Variants in ECT2L observed in about 807,000 individuals in gnomAD.
ECT2L encodes epithelial cell transforming 2 like.
ECT2L carries 126 observed loss-of-function variants against 122.8 expected under a neutral mutation model. The ratio of observed to expected loss-of-function variants is 1.03; its 90% CI spans 0.89 to 1.19. ECT2L has a LOEUF of 1.19. Ranked by LOEUF, ECT2L falls within the 50% of genes most tolerant of loss-of-function variation. ECT2L has a pLI of 0.00. For missense variants in ECT2L, 1,012 were observed against 1,064.1 expected (o/e 0.95, Z 0.68); for synonymous variants, 385 against 381.8 (o/e 1.01, Z -0.10).
At chr6:138,884,379 T>C (rs1159163864) in intron 16 of ECT2L, among the ~76,000 whole-genome samples, 1 of 152,116 alleles carries the variant, frequency 6.6e-6, no homozygotes, top group African/African-American at 2.4e-5. Context: ...GGCTCACACC[T>C]GTAATCCCAG....
At chr6:138,827,668 T>A (rs1776498302) in intron 4 of ECT2L, among the ~76,000 whole-genome samples, 1 of 152,268 alleles carries the variant, frequency 6.6e-6, no homozygotes, top group Admixed American at 6.5e-5. Context: ...GCAGTCCTCC[T>A]GCCTCTGAGC....
At chr6:138,868,077 C>G in intron 12 of ECT2L, 26 bp from the exon 13 acceptor site, 1 of 1,389,108 alleles carries the variant, frequency 7.2e-7, no homozygotes, top group Non-Finnish European at 9.8e-7. Context: ...AAATCAATTA[C>G]AGGGCATGTG....
intron 10 of ECT2L, 30 bp from the exon 11 acceptor site, chr6:138,862,597 A>G (rs1469742918): frequency 6.3e-7 from 1 of 1,594,260 alleles, no homozygotes; most frequent in Non-Finnish European, 8.6e-7. Flanking sequence ...ATATATGAGG[A>G]AACTAACGAA....
intron 4 of ECT2L, among the ~76,000 whole-genome samples, chr6:138,821,275 A>C (rs1776259503): frequency 6.6e-6 from 1 of 152,212 alleles, no homozygotes; most frequent in African/African-American, 2.4e-5. Context: ...TGAATAATGA[A>C]GGAAATAGTT....
chr6:138,822,668 A>T, intron 4 of ECT2L: 1 of 1,300,712 alleles, frequency 7.7e-7, no homozygotes, highest in African/African-American at 1.5e-5. Context: ...GCCGAATAGG[A>T]ACAGCTCCGG....
intron 10 of ECT2L, among the ~76,000 whole-genome samples, chr6:138,859,070 A>G (rs565783029): frequency 1.1e-4 from 16 of 152,274 alleles, no homozygotes; most frequent in African/African-American, 3.8e-4. Flanking sequence ...ATCTTTGTGC[A>G]GAGGCCACAC....
intron 9 of ECT2L, among the ~76,000 whole-genome samples, chr6:138,852,283 A>G (rs977021966): frequency 6.6e-6 from 1 of 151,672 alleles, no homozygotes; most frequent in East Asian, 1.9e-4. Context: ...AAAACAAACC[A>G]AAAACCCCCC....
intron 16 of ECT2L, among the ~76,000 whole-genome samples, chr6:138,884,672 CAGTAG>C (rs1281944694): frequency 6.6e-6 from 1 of 151,908 alleles, no homozygotes; most frequent in Non-Finnish European, 1.5e-5. Context: ...ATATTAAGTA[CAGTAG>C]AATACCTGTA....
chr6:138,850,475 C>T (rs1777399078), intron 9 of ECT2L, among the ~76,000 whole-genome samples: 1 of 152,026 alleles, frequency 6.6e-6, no homozygotes, highest in Non-Finnish European at 1.5e-5. Flanking sequence ...GGTATAATGT[C>T]CTGAAAGGTC....
intron 13 of ECT2L, among the ~76,000 whole-genome samples, chr6:138,874,369 T>C (rs1778367788): frequency 6.6e-6 from 1 of 152,182 alleles, no homozygotes; most frequent in Admixed American, 6.6e-5. Flanking sequence ...AAGTAAAAGA[T>C]AGCATCGGAA....
At chr6:138,828,339 GT>G (rs1339104297) in intron 4 of ECT2L, among the ~76,000 whole-genome samples, 1 of 152,084 alleles carries the variant, frequency 6.6e-6, no homozygotes, top group Admixed American at 6.6e-5. Flanking sequence ...CAATGTATAG[GT>G]TTTCTCCCCT....
chr6:138,880,823 C>A (rs140932577), intron 14 of ECT2L, 134 bp from the exon 15 acceptor site: 20 of 686,708 alleles, frequency 2.9e-5, no homozygotes, highest in Middle Eastern at 7.9e-4. Context: ...ACAGCGGGGT[C>A]CTCCGTAGCC....
At chr6:138,838,292 C>A in intron 4 of ECT2L, 60 bp from the exon 5 acceptor site, 2 of 1,412,228 alleles carry the variant, frequency 1.4e-6, no homozygotes, top group South Asian at 1.5e-5. Flanking sequence ...AATATTTATG[C>A]TGACTTTTTA....
chr6:138,884,360 C>T (rs1003282850), intron 16 of ECT2L, among the ~76,000 whole-genome samples: 2 of 151,948 alleles, frequency 1.3e-5, no homozygotes, highest in African/African-American at 2.4e-5. Flanking sequence ...TATTAAGGCT[C>T]AGTGCGGTGG....
At chr6:138,808,927 A>G (rs553304311) in intron 1 of ECT2L, among the ~76,000 whole-genome samples, 1 of 152,180 alleles carries the variant, frequency 6.6e-6, no homozygotes, top group East Asian at 1.9e-4. Context: ...GAGTTTTGCT[A>G]TGTTGGCCAG....
At chr6:138,880,251 G>A (rs1778597269) in intron 14 of ECT2L, among the ~76,000 whole-genome samples, 1 of 152,158 alleles carries the variant, frequency 6.6e-6, no homozygotes, top group African/African-American at 2.4e-5. Context: ...ATGGAGGCTG[G>A]GAAGTCTAAG....
chr6:138,861,986 T>G (rs926694886), intron 10 of ECT2L, among the ~76,000 whole-genome samples: 2 of 152,246 alleles, frequency 1.3e-5, no homozygotes, highest in African/African-American at 2.4e-5. Flanking sequence ...CTCCATGCCC[T>G]CTTTCCCCAT....
chr6:138,835,198 A>G (rs868322481), intron 4 of ECT2L, among the ~76,000 whole-genome samples: 1 of 152,326 alleles, frequency 6.6e-6, no homozygotes, highest in African/African-American at 2.4e-5. Context: ...AAGTTGCAAG[A>G]ATAGTACAAA....
In ECT2L at chr6:138,846,697, C is replaced by T; in HGVS notation, c.903+20C>T. The T allele has an allele frequency of 6.8e-7, 1 of 1,471,084 alleles. No homozygotes were observed. 91.1% of individuals were successfully genotyped at this position (1,471,084 alleles called of 1,614,324 possible). Reference sequence around the variant, plus strand: ...TATGAGGTAGAGTATGTTATGAGGCCAGTCCTGTCCTGATTGTTTTTTTGT... The same window carrying T: ...TATGAGGTAGAGTATGTTATGAGGCTAGTCCTGTCCTGATTGTTTTTTTGT... On this transcript the variant is annotated intron_variant, in intron 8 of 21. Transcript: ENST00000541398.
Sources: gnomAD v4.1 joint callset for allele counts (sites outside exome capture counted in the v4.1 genomes callset) on GRCh38, gnomAD v4.1.1 for gene constraint, MANE v1.5 for transcripts, NCBI Gene and HGNC (gene_info 2026-07-23, HGNC 2026-07-21) for gene names.